CPXM2: variants seen among roughly 807,000 people sequenced by gnomAD.
CPXM2 encodes the protein carboxypeptidase X, M14 family member 2.
Under a neutral mutation model 86.1 loss-of-function variants are expected in CPXM2, and 66 were observed. The observed-to-expected ratio is 0.77, with a 90% CI of 0.63 to 0.94. The LOEUF (loss-of-function observed/expected upper bound fraction) is 0.94. Ranked by LOEUF, CPXM2 falls within the 40% of genes least tolerant of loss-of-function variation. The pLI, the probability that CPXM2 is intolerant of heterozygous loss-of-function variation, is 0.00. For missense variants in CPXM2, 948 were observed against 1,026.3 expected (o/e 0.92, Z 1.04); for synonymous variants, 388 against 400.2 (o/e 0.97, Z 0.36).
At chr10:123,845,613 G>C (rs550664315) in intron 3 of CPXM2, among the ~76,000 whole-genome samples, 265 of 152,014 alleles carry the variant, frequency 1.7e-3, no homozygotes, top group African/African-American at 6.0e-3. Flanking sequence ...TAGACAACAG[G>C]AGAAAAATAA....
chr10:123,934,299 T>A (rs1590129493), intron 2 of CPXM2, among the ~76,000 whole-genome samples: 1 of 152,130 alleles, frequency 6.6e-6, no homozygotes, highest in Non-Finnish European at 1.5e-5. Flanking sequence ...GAAATGGCGG[T>A]GTCAGCAGAA....
At chr10:123,748,978 T>C (rs570917117) in intron 13 of CPXM2, among the ~76,000 whole-genome samples, 1 of 152,310 alleles carries the variant, frequency 6.6e-6, no homozygotes, top group East Asian at 1.9e-4. Context: ...TGTTTTCCTC[T>C]TCTGTGCTCA....
intron 4 of CPXM2, among the ~76,000 whole-genome samples, chr10:123,828,591 C>T (rs1848094713): frequency 6.6e-6 from 1 of 152,198 alleles, no homozygotes; most frequent in African/African-American, 2.4e-5. Context: ...TGAGGCCTCC[C>T]CAGCCATGTG....
At chr10:123,819,773 T>G (rs960927567) in intron 4 of CPXM2, among the ~76,000 whole-genome samples, 2 of 152,224 alleles carry the variant, frequency 1.3e-5, no homozygotes, top group Admixed American at 1.3e-4. Context: ...TGTGTATGGG[T>G]TCAAATTGAC....
At chr10:123,788,051 G>T (rs1472082551) in intron 6 of CPXM2, among the ~76,000 whole-genome samples, 1 of 151,896 alleles carries the variant, frequency 6.6e-6, no homozygotes, top group Admixed American at 6.6e-5. Flanking sequence ...AGGCTGAGGC[G>T]GGTGGATCAC....
chr10:123,920,185 G>A (rs190407163), intron 2 of CPXM2, among the ~76,000 whole-genome samples: 2 of 152,250 alleles, frequency 1.3e-5, no homozygotes, highest in East Asian at 3.9e-4. Flanking sequence ...AATCAACAGA[G>A]CCTCAGTGTC....
At chr10:123,857,715 G>A (rs562207799) in intron 3 of CPXM2, among the ~76,000 whole-genome samples, 1 of 152,268 alleles carries the variant, frequency 6.6e-6, no homozygotes, top group African/African-American at 2.4e-5. Context: ...AGGGCAAAAC[G>A]GAGAAGAACC....
intron 2 of CPXM2, among the ~76,000 whole-genome samples, chr10:123,929,390 C>T (rs1945648179): frequency 6.6e-6 from 1 of 152,234 alleles, no homozygotes; most frequent in Non-Finnish European, 1.5e-5. Flanking sequence ...GCTTCCTGGT[C>T]AGCACCACTG....
At chr10:123,753,183 G>A (rs530867272) in intron 13 of CPXM2, among the ~76,000 whole-genome samples, 22 of 152,258 alleles carry the variant, frequency 1.4e-4, no homozygotes, top group African/African-American at 3.9e-4. Context: ...GATGACCCCC[G>A]TGTAGTGTCA....
chr10:123,749,987 T>G (rs1404496124), intron 13 of CPXM2: 54 of 360,640 alleles, frequency 1.5e-4, no homozygotes, highest in East Asian at 6.6e-4. Flanking sequence ...TGTTTTTTTT[T>G]TTTTTTTTTT....
In CPXM2 at chr10:123,880,323, G is replaced by C. The variant is rs902553949; in HGVS notation, c.305-14C>G. The C allele has an allele frequency of 6.1e-6, 7 of 1,152,426 alleles. No individual in the cohort carries two copies. Among genetic ancestry groups the C allele is most frequent in the Non-Finnish European group, 9.2e-6 (7 of 758,548 alleles). The allele number at this position is 1,152,426 out of a possible 1,614,324, so 71.4% of individuals were successfully genotyped here. A position where few individuals can be genotyped will look rare whatever the true frequency, so the allele number is the denominator to read the frequency against. On this transcript the variant is annotated splice_polypyrimidine_tract_variant and intron_variant, in intron 1 of 13. Coordinates refer to ENST00000241305, the MANE Select transcript of CPXM2 (RefSeq NM_198148.3). ...TGCTGTGTTTACCTAAAGGGGGAGA[G>C]AGAGATGCCTTTACTTTCACATACA...
chr10:123,862,736 A>G lies in CPXM2; in HGVS notation c.404-13T>C. 2 of 1,457,676 alleles carry G rather than the reference A, an allele frequency of 1.4e-6. No individual in the cohort carries two copies. Among genetic ancestry groups the G allele is most frequent in the Non-Finnish European group, 1.8e-6 (2 of 1,106,286 alleles). 90.3% of individuals were successfully genotyped at this position (1,457,676 alleles called of 1,614,324 possible). ...AGAGGTGGGCAACCTGGAAAGGACA[A>G]ATGCTTGTTAAAAACAACGACAGAT... On this transcript the variant is annotated splice_polypyrimidine_tract_variant and intron_variant, in intron 2 of 13. Transcript: ENST00000241305.
intron 4 of CPXM2, among the ~76,000 whole-genome samples, chr10:123,814,874 A>T (rs1485250696): frequency 1.3e-5 from 2 of 152,004 alleles, no homozygotes; most frequent in African/African-American, 4.8e-5. Flanking sequence ...AAAATACAAA[A>T]ATTAGCTGGG....
In CPXM2 at chr10:123,866,297, C is replaced by T. The variant is rs548429088; in HGVS notation, c.404-3574G>A. On this transcript the variant is annotated intron_variant, in intron 2 of 13. Transcript: ENST00000241305. ...TTAAATTCAGGACCGGGTGCGGTGG[C>T]TCACGCCTGTAATCCCAGCACTTTG... Among the ~76,000 whole-genome samples, 18 of 152,288 alleles carry T rather than the reference C, an allele frequency of 1.2e-4. No homozygotes were observed. In the East Asian group the frequency reaches 3.1e-3, roughly 26 times the overall value.
chr10:123,935,780 C>G (rs1401078160), intron 2 of CPXM2, among the ~76,000 whole-genome samples: 2 of 152,080 alleles, frequency 1.3e-5, no homozygotes, highest in Non-Finnish European at 2.9e-5. Context: ...TAACCAGCAT[C>G]TTTACCATCA....
chr10:123,746,456 C>G lies in CPXM2; in HGVS notation c.*308G>C, dbSNP rs192790322. On this transcript the variant is annotated 3_prime_UTR_variant, in exon 14 of 14. Transcript: ENST00000241305. ...GAATCCTTTTCTATGCAGCCAGAGGCTCTGAACGGACAGGCTCCCCTCCTT... is the reference window on the plus strand; with the variant it reads ...GAATCCTTTTCTATGCAGCCAGAGGGTCTGAACGGACAGGCTCCCCTCCTT... The G allele has an allele frequency of 1.5e-4, 60 of 401,078 alleles. 1 individual carries two copies. Among genetic ancestry groups the G allele is most frequent in the African/African-American group, 1.2e-3 (57 of 49,296 alleles). 24.8% of individuals were successfully genotyped at this position (401,078 alleles called of 1,614,324 possible). A position where few individuals can be genotyped will look rare whatever the true frequency, so the allele number is the denominator to read the frequency against.
chr10:123,858,284 A>G (rs1848783749), intron 3 of CPXM2, among the ~76,000 whole-genome samples: 2 of 152,236 alleles, frequency 1.3e-5, no homozygotes. Context: ...TTGTTGATTC[A>G]GCGCATCCAT....
At chr10:123,771,149 GC>G in intron 7 of CPXM2, 110 bp from the exon 8 acceptor site, 2 of 977,540 alleles carry the variant, frequency 2.0e-6, no homozygotes, top group Non-Finnish European at 3.1e-6. Flanking sequence ...CCTCCCAAGC[GC>G]CCCCACATTC....
intron 9 of CPXM2, among the ~76,000 whole-genome samples, chr10:123,767,436 A>G (rs369136797): frequency 6.6e-6 from 1 of 152,144 alleles, no homozygotes; most frequent in South Asian, 2.1e-4. Context: ...TTCCACCCCT[A>G]CCTTCCTCTC....
Sources: allele counts gnomAD v4.1 joint callset (sites outside exome capture counted in the v4.1 genomes callset), GRCh38; gene constraint gnomAD v4.1.1; transcripts MANE v1.5; gene names NCBI Gene and HGNC (gene_info 2026-07-23, HGNC 2026-07-21).